Variants in SATL1 observed in about 807,000 individuals in gnomAD.
The protein encoded by SATL1 is spermidine/spermine N1-acetyl transferase like 1, also known as spermidine/spermine N(1)-acetyltransferase-like protein 1.
A neutral mutation model predicts 51.8 loss-of-function variants in SATL1; 47 were observed. The observed-to-expected ratio is 0.91, with a 90% CI of 0.72 to 1.16. SATL1 has a LOEUF of 1.16. Among genes scored for constraint, SATL1 ranks in the 50% most tolerant of loss-of-function variants. The pLI is 0.00. For synonymous variants in SATL1, 176 were observed against 182.4 expected, an observed-to-expected ratio of 0.97 and a Z score of 0.28; for missense variants, 520 against 526.4, an observed-to-expected ratio of 0.99 and a Z score of 0.12.
chrX:85,223,457 A>C (rs1186413568), intron 2 of SATL1, among the ~76,000 whole-genome samples: 1 of 111,712 alleles, frequency 9.0e-6, no homozygotes, highest in East Asian at 2.8e-4. Context: ...AGAAAGATGA[A>C]GTCAAGTTTT....
At chrX:85,104,728 A>G (rs914275828) in intron 3 of SATL1, among the ~76,000 whole-genome samples, 3 of 111,616 alleles carry the variant, frequency 2.7e-5, no homozygotes, top group South Asian at 7.5e-4. Context: ...CATGTACCCT[A>G]TGTACATCCT....
intron 4 of SATL1, among the ~76,000 whole-genome samples, chrX:85,101,427 T>C (rs1338358647): frequency 4.5e-5 from 5 of 112,226 alleles, no homozygotes; most frequent in Non-Finnish European, 7.5e-5. Flanking sequence ...AATAAGCACA[T>C]GAAAAGGTGT....
chrX:85,175,764 T>C (rs887002957), intron 2 of SATL1, among the ~76,000 whole-genome samples: 1 of 111,162 alleles, frequency 9.0e-6, no homozygotes, highest in Admixed American at 9.6e-5. Context: ...AAGAATTTTA[T>C]GGAGAAGACC....
intron 2 of SATL1, among the ~76,000 whole-genome samples, chrX:85,134,556 T>G: frequency 9.0e-6 from 1 of 111,716 alleles, no homozygotes; most frequent in Admixed American, 9.5e-5. Flanking sequence ...ATGTAAGTGC[T>G]GTGCTAGAGA....
chrX:85,093,095 T>C, intron 7 of SATL1, 90 bp downstream of exon 7: 2 of 904,727 alleles, frequency 2.2e-6, no homozygotes, highest in Non-Finnish European at 3.1e-6. Flanking sequence ...TATGTTCAAA[T>C]GGTGAGATTA....
Position 85,196,165 on chromosome X carries a change from G to A in SATL1, c.-313+28040C>T, listed in dbSNP as rs902784392. ...CACTAACAATGAAGAATCCTGAAAT[G>A]AAATTTAAAAATAGATTCATTTACA... On this transcript the variant is annotated intron_variant, in intron 2 of 7. Transcript: ENST00000644105. Among the ~76,000 whole-genome samples the A allele has an allele frequency of 5.4e-5, 6 of 110,242 alleles. No homozygotes were observed. The South Asian group carries it at 2.3e-3, about 42-fold the overall frequency.
In SATL1 at chrX:85,109,410, C is replaced by T. The variant is rs145973495; in HGVS notation, c.-312-130G>A. 527 of 164,655 alleles carry T rather than the reference C, an allele frequency of 3.2e-3. 4 individuals are homozygous for T. The highest frequency in any genetic ancestry group is 0.015 in the African/African-American group (501 of 33,116). The allele number at this position is 164,655 out of a possible 1,213,427, so 13.6% of individuals were successfully genotyped here. On this transcript the variant is annotated intron_variant, in intron 2 of 7. Transcript: ENST00000644105. ...CAGGTATCAAAGTGCCTACGTGCTCCCCCGTGTGGTGAGGGTGGGGCAAAG... is the reference window on the plus strand; with the variant it reads ...CAGGTATCAAAGTGCCTACGTGCTCTCCCGTGTGGTGAGGGTGGGGCAAAG...
In SATL1 at chrX:85,103,869, G is replaced by T. The variant is rs757432748; in HGVS notation, c.1688C>A (p.Ala563Glu). 1.7e-6 allele frequency: 2 copies of T among 1,186,395 alleles called. No homozygotes were observed. Among genetic ancestry groups the T allele is most frequent in the South Asian group, 1.8e-5 (1 of 56,315 alleles). The change falls in exon 4 of 8, where the codon GCA becomes GAA. Residue 563 changes from alanine to glutamate, a missense_variant. Physicochemically the swap from Ala to Glu is moderately radical, Grantham distance 107. This residue lies in a region of SATL1 where 488 missense variants were observed against 474.3 expected (regional missense o/e 1.03). Coordinates refer to ENST00000644105, the MANE Select transcript of SATL1 (RefSeq NM_001367857.2). ...ENMLDAMELT[A>E]ADLLRDGFGD... is the part of the protein sequence containing the mutation. ...AATACCACAAAACACCTTACCAGCT[G>T]CTGTTAACTCCATTGCATCTAGCAT...
intron 2 of SATL1, among the ~76,000 whole-genome samples, chrX:85,131,875 C>G (rs1925814809): frequency 9.0e-6 from 1 of 111,580 alleles, no homozygotes; most frequent in African/African-American, 3.3e-5. Flanking sequence ...ATTTGCTTGT[C>G]TGTAAAGTAT....
chrX:85,169,515 G>T (rs1479805634), intron 2 of SATL1, among the ~76,000 whole-genome samples: 2 of 111,401 alleles, frequency 1.8e-5, no homozygotes. Flanking sequence ...ACAAAAACAT[G>T]CAAAAAAGCT....
At chrX:85,240,633 A>G (rs867298257) in intron 1 of SATL1, among the ~76,000 whole-genome samples, 2 of 110,639 alleles carry the variant, frequency 1.8e-5, no homozygotes, top group Non-Finnish European at 3.8e-5. Flanking sequence ...TCAATGTTCT[A>G]TTTACCTTAA....
intron 2 of SATL1, among the ~76,000 whole-genome samples, chrX:85,167,039 A>ATATC (rs1926856350): frequency 9.4e-6 from 1 of 106,761 alleles, no homozygotes; most frequent in Non-Finnish European, 1.9e-5. Context: ...GTGTATATAC[A>ATATC]TATCTCATGG....
chrX:85,124,733 G>A (rs188554488), intron 2 of SATL1, among the ~76,000 whole-genome samples: 1 of 111,233 alleles, frequency 9.0e-6, no homozygotes, highest in Non-Finnish European at 1.9e-5. Context: ...AGTTCAATGA[G>A]AGAACACACA....
intron 2 of SATL1, among the ~76,000 whole-genome samples, chrX:85,185,767 A>G (rs367907585): frequency 3.6e-5 from 4 of 110,835 alleles, no homozygotes; most frequent in African/African-American, 9.9e-5. Flanking sequence ...AATTCTATCC[A>G]GGAGCCAAGG....
intron 2 of SATL1, among the ~76,000 whole-genome samples, chrX:85,195,401 C>T (rs1927536013): frequency 9.0e-6 from 1 of 111,334 alleles, no homozygotes; most frequent in Admixed American, 9.6e-5. Flanking sequence ...TAAGAGTCTC[C>T]AAAATAGTGT....
At chrX:85,106,178 G>T (rs1437419966) in intron 3 of SATL1, among the ~76,000 whole-genome samples, 1 of 112,159 alleles carries the variant, frequency 8.9e-6, no homozygotes, top group Non-Finnish European at 1.9e-5. Flanking sequence ...CCACCTGGAA[G>T]AATGTGGATC....
At chrX:85,227,110 CCA>C (rs1316866916) in intron 1 of SATL1, among the ~76,000 whole-genome samples, 1 of 111,570 alleles carries the variant, frequency 9.0e-6, no homozygotes, top group African/African-American at 3.3e-5. Flanking sequence ...AAGCATACAA[CCA>C]CACTTATTGG....
At chrX:85,232,335 G>A (rs927647588) in intron 1 of SATL1, among the ~76,000 whole-genome samples, 3 of 110,994 alleles carry the variant, frequency 2.7e-5, no homozygotes, top group South Asian at 3.9e-4. Flanking sequence ...TTAAGGTGGC[G>A]AGTGCTGGCT....
At chrX:85,097,046 G>A (rs1275425428) in intron 4 of SATL1, among the ~76,000 whole-genome samples, 1 of 111,913 alleles carries the variant, frequency 8.9e-6, no homozygotes, top group East Asian at 2.8e-4. Flanking sequence ...TTGTAATTAT[G>A]TTTATACAGT....
Sources: allele counts gnomAD v4.1 joint callset (sites outside exome capture counted in the v4.1 genomes callset), GRCh38; gene constraint gnomAD v4.1.1; regional missense constraint gnomAD v4.1.1; transcripts MANE v1.5; gene names NCBI Gene and HGNC (gene_info 2026-07-23, HGNC 2026-07-21).